Variants in LRRC59 observed in about 807,000 individuals in gnomAD.
LRRC59 encodes leucine-rich repeat-containing protein 59.
LRRC59 carries 18 observed loss-of-function variants against 33.5 expected under a neutral mutation model. The ratio of observed to expected loss-of-function variants is 0.54; its 90% CI spans 0.37 to 0.80. LRRC59 has a LOEUF of 0.80. LRRC59 is among the 30% of genes least tolerant of loss of function. The probability of loss-of-function intolerance (pLI) is 0.00; values close to 1 mark genes in which losing one functional copy is unlikely to be tolerated. For missense variants in LRRC59, 330 were observed against 391.9 expected (o/e 0.84, Z 1.33); for synonymous variants, 138 against 160.0 (o/e 0.86, Z 1.04).
chr17:50,397,128 T>G, intron 1 of LRRC59, 85 bp downstream of exon 1: 1 of 1,032,024 alleles, frequency 9.7e-7, no homozygotes, highest in Non-Finnish European at 1.4e-6. Context: ...AACTGATGCT[T>G]TTAGAGAAGA....
intron 5 of LRRC59, among the ~76,000 whole-genome samples, chr17:50,387,614 A>G (rs12452484): frequency 0.18 from 27,909 of 152,130 alleles, 3,074 homozygotes; most frequent in Non-Finnish European, 0.24. Context: ...CTGGTTAGAG[A>G]TGGCACCGGA....
At position 50,392,431 on chromosome 17, in the gene LRRC59, C is replaced by G; in HGVS notation, c.396G>C (p.Leu132Phe). The G allele has an allele frequency of 6.2e-7, 1 of 1,614,098 alleles. No individual in the cohort carries two copies. The highest frequency in any genetic ancestry group is 8.5e-7 in the Non-Finnish European group (1 of 1,180,000). Residue 132 changes from leucine to phenylalanine, a missense_variant, in exon 4 of 7, where the codon TTG (leucine) becomes TTC (phenylalanine). Transcript: ENST00000225972. ...CACACTGCTTACACTGCTTCTCATC[C>G]AAGCAGTCACCTGCCACCTTGGCCA... ...PVLAKVAGDC[L>F]DEKQCKQCAN...
chr17:50,395,315 G>A (rs1914245155), intron 1 of LRRC59, among the ~76,000 whole-genome samples: 1 of 147,506 alleles, frequency 6.8e-6, no homozygotes, highest in Non-Finnish European at 1.5e-5. Context: ...AGGAGTTCAG[G>A]AGTTTGAGGC....
chr17:50,385,009 G>T, intron 6 of LRRC59, 109 bp downstream of exon 6: 1 of 1,263,806 alleles, frequency 7.9e-7, no homozygotes, highest in Non-Finnish European at 1.1e-6. Context: ...GCTTTAGAGT[G>T]TACTTTATCT....
At position 50,396,396 on chromosome 17, in the gene LRRC59, C is replaced by G. The variant is rs1017024717; in HGVS notation, c.105+817G>C. 3 of 152,362 alleles carry G rather than the reference C, an allele frequency of 2.0e-5. No homozygotes were observed. In the East Asian group the frequency reaches 5.8e-4, roughly 29 times the overall value. The allele number at this position is 152,362 out of a possible 1,614,324, so 9.4% of individuals were successfully genotyped here. A position where few individuals can be genotyped will look rare whatever the true frequency, so the allele number is the denominator to read the frequency against. ...ATGGAGCTGGGAGGAGCTAGGAACC[C>G]GGTTCTAACCACTGTAATACCCGTC... On this transcript the variant is annotated intron_variant, in intron 1 of 6. Coordinates refer to ENST00000225972, the MANE Select transcript of LRRC59 (RefSeq NM_018509.4).
At chr17:50,387,622 G>A (rs1312208821) in intron 5 of LRRC59, among the ~76,000 whole-genome samples, 3 of 152,174 alleles carry the variant, frequency 2.0e-5, no homozygotes, top group African/African-American at 4.8e-5. Flanking sequence ...AGATGGCACC[G>A]GAGCTGGAGA....
chr17:50,394,040 G>A lies in LRRC59; in HGVS notation c.165+889C>T, dbSNP rs116125567. ...TACTTTCTGGAAGAAGTGAGATCTC[G>A]ATGCTTTTTGAATGTTAGAAACAGT... is the stretch of plus-strand genomic sequence containing the variant. On this transcript the variant is annotated intron_variant, in intron 2 of 6. Transcript: ENST00000225972. Among the ~76,000 whole-genome samples the A allele has an allele frequency of 3.5e-3, 535 of 152,100 alleles. 6 individuals are homozygous for A. Among genetic ancestry groups the A allele is most frequent in the African/African-American group, 0.012 (507 of 41,480 alleles).
At chr17:50,388,548 A>C (rs559733061) in intron 4 of LRRC59, among the ~76,000 whole-genome samples, 73 of 152,032 alleles carry the variant, frequency 4.8e-4, no homozygotes, top group African/African-American at 8.0e-4. Flanking sequence ...TCAAAACAAC[A>C]ACCACCACCA....
intron 4 of LRRC59, among the ~76,000 whole-genome samples, chr17:50,390,369 G>A (rs1205793980): frequency 2.0e-5 from 3 of 151,918 alleles, no homozygotes; most frequent in African/African-American, 7.2e-5. Context: ...GCATGCCCCT[G>A]TAATCCCAGC....
chr17:50,385,333 C>G, intron 5 of LRRC59, 42 bp from the exon 6 acceptor site: 1 of 1,599,430 alleles, frequency 6.3e-7, no homozygotes, highest in Non-Finnish European at 8.5e-7. Context: ...CTCTCACAAA[C>G]ACTCCAGCAG....
chr17:50,394,175 A>T (rs1313004319), intron 2 of LRRC59, among the ~76,000 whole-genome samples: 2 of 152,108 alleles, frequency 1.3e-5, no homozygotes, highest in Non-Finnish European at 2.9e-5. Flanking sequence ...TCTGAATTCG[A>T]CCTCTGAGCC....
intron 1 of LRRC59, 170 bp downstream of exon 1, chr17:50,397,042 CG>C: frequency 4.3e-6 from 2 of 466,638 alleles, no homozygotes; most frequent in Non-Finnish European, 7.6e-6. Context: ...GTGTACATCC[CG>C]GGAAGAACCT....
intron 6 of LRRC59, 80 bp from the exon 7 acceptor site, chr17:50,383,315 G>C (rs141404405): frequency 6.8e-7 from 1 of 1,465,386 alleles, no homozygotes; most frequent in Non-Finnish European, 9.1e-7. Flanking sequence ...AGTCTCCTCC[G>C]TGCAGATCTA....
In LRRC59 at chr17:50,390,097, C is replaced by CAA. The variant is rs57027679; in HGVS notation, c.430-1967_430-1966dup. ...TGGACGATAGAGCGTGACTCTGTCT[C>CAA]AAAAAAAAAAAAAAAAAAAGAAAAA... On this transcript the variant is annotated intron_variant, in intron 4 of 6. Transcript: ENST00000225972. 1.6e-3 allele frequency among the ~76,000 whole-genome samples: 133 copies of CAA among 85,268 alleles called. 1 individual carries two copies. The highest frequency in any genetic ancestry group is 5.2e-3 in the African/African-American group (118 of 22,504). 55.9% of individuals were successfully genotyped at this position (85,268 alleles called of 152,430 possible). A position where few individuals can be genotyped will look rare whatever the true frequency, so the allele number is the denominator to read the frequency against.
chr17:50,391,754 C>G (rs1914149189), intron 4 of LRRC59, among the ~76,000 whole-genome samples: 1 of 152,200 alleles, frequency 6.6e-6, no homozygotes, highest in African/African-American at 2.4e-5. Flanking sequence ...ATCAACATTC[C>G]TACGACTGTG....
chr17:50,396,889 G>A, intron 1 of LRRC59: 1 of 386,592 alleles, frequency 2.6e-6, no homozygotes. Flanking sequence ...TAACTGCTCC[G>A]TGTGCTCCTA....
At chr17:50,383,654 A>G (rs1913928490) in intron 6 of LRRC59, among the ~76,000 whole-genome samples, 4 of 152,134 alleles carry the variant, frequency 2.6e-5, no homozygotes, top group African/African-American at 9.7e-5. Context: ...AAGAAAGCCC[A>G]AAAGGTAATA....
chr17:50,388,155 T>C, intron 4 of LRRC59, 23 bp from the exon 5 acceptor site: 1 of 1,608,740 alleles, frequency 6.2e-7, no homozygotes, highest in Non-Finnish European at 8.5e-7. Context: ...AGGAGGAAAG[T>C]AGTGCTCTTC....
In LRRC59 at chr17:50,397,281, C is replaced by G; in HGVS notation, c.37G>C (p.Asp13His). 6.2e-7 allele frequency: 1 copy of G among 1,610,102 alleles called. No homozygotes were observed. The highest frequency in any genetic ancestry group is 8.5e-7 in the Non-Finnish European group (1 of 1,178,546). ...KAGSKGGNLR[D>H]KLDGNELDLS... ...TCCAGTTCGTTGCCGTCCAGCTTGT[C>G]GCGGAGGTTCCCGCCCTTGCTACCG... is the stretch of plus-strand genomic sequence containing the variant. Residue 13 changes from aspartate (D) to histidine (H), a missense_variant, in exon 1 of 7, where the codon GAC becomes CAC. Coordinates refer to ENST00000225972, the MANE Select transcript of LRRC59 (RefSeq NM_018509.4).
Sources: allele counts gnomAD v4.1 joint callset (sites outside exome capture counted in the v4.1 genomes callset), GRCh38; gene constraint gnomAD v4.1.1; transcripts MANE v1.5; gene names NCBI Gene and HGNC (gene_info 2026-07-23, HGNC 2026-07-21).